Variants in SMIM35 observed in about 807,000 individuals in gnomAD.
SMIM35 encodes the protein TMPRSS4 antisense RNA 1 (non-protein coding).
At chr11:118,068,073 G>A (rs1292914872) in intron 1 of SMIM35, among the ~76,000 whole-genome samples, 2 of 151,670 alleles carry the variant, frequency 1.3e-5, no homozygotes, top group African/African-American at 4.8e-5. Flanking sequence ...CCTTACCTGT[G>A]TACAGATCCT....
At chr11:118,079,962 C>A (rs1467548134) in intron 1 of SMIM35, among the ~76,000 whole-genome samples, 1 of 152,166 alleles carries the variant, frequency 6.6e-6, no homozygotes, top group South Asian at 2.1e-4. Flanking sequence ...TCTCCTGGAT[C>A]CTTTGCCACC....
intron 1 of SMIM35, among the ~76,000 whole-genome samples, chr11:118,045,996 G>T: frequency 6.6e-6 from 1 of 152,188 alleles, no homozygotes; most frequent in Non-Finnish European, 1.5e-5. Flanking sequence ...TAAGTGAGAC[G>T]TGTATGTGAA....
Position 118,058,568 on chromosome 11 carries a change from C to T in SMIM35, c.7+28183G>A, listed in dbSNP as rs141610866. 6.3e-3 allele frequency among the ~76,000 whole-genome samples: 954 copies of T among 152,206 alleles called. 6 individuals carry two copies. Among genetic ancestry groups the T allele is most frequent in the African/African-American group, 0.022 (916 of 41,500 alleles). ...CCTGGGACCAGGCTTGGAGTAGAAG[C>T]GAAACCAGAAATCCAGTTGTAAGCA... On this transcript the variant is annotated intron_variant, in intron 1 of 4. Coordinates refer to ENST00000689828, the MANE Select transcript of SMIM35 (RefSeq NM_001394165.1).
chr11:118,043,115 T>C (rs1009274494), intron 1 of SMIM35, among the ~76,000 whole-genome samples: 1 of 152,226 alleles, frequency 6.6e-6, no homozygotes, highest in Non-Finnish European at 1.5e-5. Flanking sequence ...TCACCACTTC[T>C]GTTCAACATT....
chr11:118,028,500 G>A (rs1221288079), intron 1 of SMIM35, among the ~76,000 whole-genome samples: 2 of 151,904 alleles, frequency 1.3e-5, no homozygotes, highest in African/African-American at 4.8e-5. Context: ...AGTAGTCCTG[G>A]GTCTGGCCAA....
chr11:118,009,677 C>G (rs1210006622), intron 4 of SMIM35, among the ~76,000 whole-genome samples: 1 of 151,318 alleles, frequency 6.6e-6, no homozygotes, highest in African/African-American at 2.4e-5. Context: ...TTACTGAGCA[C>G]CTACTATGGA....
chr11:118,065,299 G>A (rs543744988), intron 1 of SMIM35, among the ~76,000 whole-genome samples: 7 of 152,200 alleles, frequency 4.6e-5, no homozygotes, highest in Non-Finnish European at 8.8e-5. Flanking sequence ...GCCTTGTCAC[G>A]TCCATGATGG....
chr11:118,043,742 G>A (rs1311596551), intron 1 of SMIM35, among the ~76,000 whole-genome samples: 1 of 151,466 alleles, frequency 6.6e-6, no homozygotes, highest in African/African-American at 2.4e-5. Flanking sequence ...CCCGGGAGGT[G>A]GAGTGAGCCA....
At chr11:118,040,157 A>C (rs1354178175) in intron 1 of SMIM35, among the ~76,000 whole-genome samples, 1 of 152,068 alleles carries the variant, frequency 6.6e-6, no homozygotes, top group Non-Finnish European at 1.5e-5. Flanking sequence ...CAGAGGTTGC[A>C]GTGAGCCGAG....
intron 4 of SMIM35, among the ~76,000 whole-genome samples, chr11:118,007,419 C>G (rs142788872): frequency 2.0e-5 from 3 of 151,722 alleles, no homozygotes; most frequent in Admixed American, 6.5e-5. Context: ...TTTTTTGAGA[C>G]TGAGACTCGC....
intron 1 of SMIM35, among the ~76,000 whole-genome samples, chr11:118,042,315 A>G (rs990544922): frequency 6.6e-6 from 1 of 152,134 alleles, no homozygotes; most frequent in African/African-American, 2.4e-5. Flanking sequence ...CAAACATAAT[A>G]AGAAATACAA....
intron 4 of SMIM35, among the ~76,000 whole-genome samples, chr11:118,009,148 A>G (rs1158785317): frequency 6.6e-6 from 1 of 152,138 alleles, no homozygotes; most frequent in Non-Finnish European, 1.5e-5. Flanking sequence ...GTCAGTGGGA[A>G]GCTCAGAGCT....
intron 1 of SMIM35, among the ~76,000 whole-genome samples, chr11:118,067,815 G>T (rs111327477): frequency 7.5e-6 from 1 of 132,800 alleles, no homozygotes; most frequent in Admixed American, 8.1e-5. Flanking sequence ...TTGGGCAACA[G>T]GAGTGAAACT....
Position 118,066,864 on chromosome 11 carries a change from A to AT in SMIM35, c.7+19886dup, listed in dbSNP as rs200974192. On this transcript the variant is annotated intron_variant, in intron 1 of 4. Coordinates refer to ENST00000689828, the MANE Select transcript of SMIM35 (RefSeq NM_001394165.1). ...CAAAACATTATCTTGATAATTCTGG[A>AT]TTTTTTTTTTTGCCAGTTTCTATCA... Among the ~76,000 whole-genome samples, 274 of 147,354 alleles carry AT rather than the reference A, an allele frequency of 1.9e-3. 3 individuals are homozygous for AT. The highest frequency in any genetic ancestry group is 7.1e-3 in the South Asian group (33 of 4,622).
rs114163447 is a variant in SMIM35 at position 118,081,899 on chromosome 11, A to C, written c.7+4852T>G. ...CATAGATGGAACAGGAGCAGGGGAG[A>C]CTGCTTTCCCACACTCCAGACAAAG... On this transcript the variant is annotated intron_variant, in intron 1 of 4. Coordinates refer to ENST00000689828, the MANE Select transcript of SMIM35 (RefSeq NM_001394165.1). Among the ~76,000 whole-genome samples the C allele has an allele frequency of 5.6e-3, 858 of 152,208 alleles. 10 individuals are homozygous for C. The highest frequency in any genetic ancestry group is 0.019 in the African/African-American group (808 of 41,524).
intron 3 of SMIM35, 111 bp from the exon 4 acceptor site, chr11:118,013,991 G>A: frequency 2.5e-6 from 1 of 396,030 alleles, no homozygotes. Context: ...TTCCAGAAAA[G>A]GAAGTGGGCC....
intron 4 of SMIM35, among the ~76,000 whole-genome samples, chr11:118,010,491 G>A (rs1275706116): frequency 6.6e-6 from 1 of 152,222 alleles, no homozygotes; most frequent in East Asian, 1.9e-4. Context: ...ACCTCCTCCA[G>A]CACGCTCCAG....
intron 4 of SMIM35, among the ~76,000 whole-genome samples, chr11:118,010,744 C>T (rs2058145660): frequency 6.6e-6 from 1 of 152,172 alleles, no homozygotes; most frequent in South Asian, 2.1e-4. Flanking sequence ...TGGAGAATAG[C>T]CCCAGAGAAG....
chr11:118,056,105 C>T (rs1944305454), intron 1 of SMIM35, among the ~76,000 whole-genome samples: 1 of 152,066 alleles, frequency 6.6e-6, no homozygotes, highest in Non-Finnish European at 1.5e-5. Context: ...TAGTGGCCGA[C>T]GATCAAGTGG....
Sources: allele counts gnomAD v4.1 joint callset (sites outside exome capture counted in the v4.1 genomes callset), GRCh38; gene constraint gnomAD v4.1.1; transcripts MANE v1.5; gene names NCBI Gene and HGNC (gene_info 2026-07-23, HGNC 2026-07-21).